The following DNA2 variants were observed in gnomAD, a reference collection of about 807,000 sequenced individuals.
DNA2 encodes DNA replication helicase/nuclease 2, also known as DNA replication ATP-dependent helicase/nuclease DNA2.
In DNA2, 101 loss-of-function variants were observed where a neutral mutation model predicts 119.1. The ratio of observed to expected loss-of-function variants is 0.85; its 90% CI spans 0.72 to 1.00. The LOEUF (loss-of-function observed/expected upper bound fraction) is 1.00, where lower values mean the gene tolerates loss of function less well. Among genes scored for constraint, DNA2 ranks in the 50% least tolerant of loss-of-function variants. The probability of loss-of-function intolerance (pLI) is 0.00; values close to 1 mark genes in which losing one functional copy is unlikely to be tolerated. For synonymous variants in DNA2, 366 were observed against 424.4 expected (o/e 0.86, Z 1.69); for missense variants, 1,121 against 1,255.5 (o/e 0.89, Z 1.62).
intron 14 of DNA2, 58 bp downstream of exon 14, chr10:68,430,378 C>A: frequency 8.1e-7 from 1 of 1,240,574 alleles, no homozygotes; most frequent in South Asian, 1.4e-5. Flanking sequence ...ACAGTTTCTC[C>A]CCTCATTCTG....
At chr10:68,453,788 C>A (rs985358266) in intron 5 of DNA2, among the ~76,000 whole-genome samples, 1 of 152,116 alleles carries the variant, frequency 6.6e-6, no homozygotes. Context: ...GTGTAGTAGG[C>A]GCTCTACCAT....
In DNA2 at chr10:68,436,239, TA is replaced by T. The variant is rs568554156; in HGVS notation, c.1646+771del. Among the ~76,000 whole-genome samples, 721 of 151,992 alleles carry T rather than the reference TA, an allele frequency of 4.7e-3. 12 individuals are homozygous for T. The highest frequency in any genetic ancestry group is 0.017 in the African/African-American group (688 of 41,470). ...CCATACAACAGAATATATTCAGCCA[TA>T]AAAAAAATGAGGGTCTCATATATGC... On this transcript the variant is annotated intron_variant, in intron 10 of 20. Transcript: ENST00000358410.
intron 14 of DNA2, chr10:68,424,647 A>T (rs1564878600): frequency 1.2e-6 from 2 of 1,604,348 alleles, no homozygotes; most frequent in Non-Finnish European, 1.7e-6. Context: ...CCGGAAGATC[A>T]TGTCATCCCC....
intron 17 of DNA2, among the ~76,000 whole-genome samples, chr10:68,421,477 G>C (rs571357935): frequency 1.3e-5 from 2 of 151,998 alleles, no homozygotes; most frequent in African/African-American, 2.4e-5. Flanking sequence ...ATTTTGGGCC[G>C]GGCACAGTGG....
chr10:68,464,602 G>A (rs1226286360), intron 4 of DNA2, among the ~76,000 whole-genome samples: 1 of 151,990 alleles, frequency 6.6e-6, no homozygotes, highest in Non-Finnish European at 1.5e-5. Flanking sequence ...GGGAGGCCGA[G>A]GCAGGCGGAT....
chr10:68,419,302 G>T, intron 18 of DNA2, 89 bp from the exon 19 acceptor site: 2 of 1,020,764 alleles, frequency 2.0e-6, no homozygotes, highest in Non-Finnish European at 2.7e-6. Context: ...TACATTATGT[G>T]CCCAACTGAT....
At chr10:68,448,942 TGTGTGTGTGTGTGTGTGTGTGTGTGC>T (rs1244148996) in intron 6 of DNA2, among the ~76,000 whole-genome samples, 29 of 131,866 alleles carry the variant, frequency 2.2e-4, no homozygotes, top group South Asian at 8.5e-4. Context: ...GGTGTGTGTG[TGTGTGTGTGTGTGTGTGTGTGTGTGC>T]GTGTGTGTGT....
chr10:68,419,268 T>C, intron 18 of DNA2, 55 bp from the exon 19 acceptor site: 2 of 1,319,678 alleles, frequency 1.5e-6, no homozygotes, highest in Non-Finnish European at 2.0e-6. Context: ...AGTTAAACTT[T>C]TCTGAATTTA....
chr10:68,426,481 T>TA (rs1327239871), intron 14 of DNA2, among the ~76,000 whole-genome samples: 2 of 151,254 alleles, frequency 1.3e-5, no homozygotes, highest in Non-Finnish European at 2.9e-5. Flanking sequence ...GAGGTTGCAG[T>TA]AAGTGGAGAT....
At chr10:68,444,253 G>A (rs936933991) in intron 8 of DNA2, among the ~76,000 whole-genome samples, 5 of 151,936 alleles carry the variant, frequency 3.3e-5, no homozygotes, top group Non-Finnish European at 7.4e-5. Context: ...AGCTGGGTGC[G>A]GTGGCGAGCG....
At chr10:68,470,890 C>T (rs182812634) in intron 1 of DNA2, among the ~76,000 whole-genome samples, 1 of 152,290 alleles carries the variant, frequency 6.6e-6, no homozygotes, top group Admixed American at 6.5e-5. Context: ...AGAAAGCAGG[C>T]TTAATACCTA....
At chr10:68,467,502 G>A (rs1378170438) in intron 3 of DNA2, among the ~76,000 whole-genome samples, 1 of 152,130 alleles carries the variant, frequency 6.6e-6, no homozygotes, top group Non-Finnish European at 1.5e-5. Context: ...GAGTACATGG[G>A]AGTTTATTAC....
chr10:68,438,308 G>A (rs983437991), intron 9 of DNA2, among the ~76,000 whole-genome samples: 1 of 151,992 alleles, frequency 6.6e-6, no homozygotes, highest in Non-Finnish European at 1.5e-5. Context: ...TCATCTGAGG[G>A]CAGGAGTTCG....
intron 5 of DNA2, among the ~76,000 whole-genome samples, chr10:68,454,356 CAA>C (rs562333641): frequency 5.2e-5 from 6 of 116,454 alleles, no homozygotes; most frequent in Non-Finnish European, 7.6e-5. Context: ...TAATTTTAAC[CAA>C]AAAAAAAAAA....
At chr10:68,430,379 C>T (rs761112327) in intron 14 of DNA2, 57 bp downstream of exon 14, 417 of 1,267,792 alleles carry the variant, frequency 3.3e-4, no homozygotes, top group Non-Finnish European at 4.4e-4. Flanking sequence ...CAGTTTCTCC[C>T]CTCATTCTGG....
intron 20 of DNA2, 195 bp downstream of exon 20, chr10:68,416,514 A>C: frequency 3.8e-6 from 2 of 520,456 alleles, no homozygotes; most frequent in Non-Finnish European, 6.9e-6. Flanking sequence ...TCTGGATTAA[A>C]AAAGGGTTAT....
At chr10:68,460,468 C>T (rs552156766) in intron 4 of DNA2, among the ~76,000 whole-genome samples, 10 of 150,984 alleles carry the variant, frequency 6.6e-5, no homozygotes, top group Non-Finnish European at 1.2e-4. Context: ...CCCAGGCTGG[C>T]GCGATCTCTA....
In DNA2 at chr10:68,469,997, T is replaced by C. The variant is rs763073513; in HGVS notation, c.241A>G (p.Ile81Val). The change falls in exon 2 of 21, where the codon ATC becomes GTC. Residue 81 changes from isoleucine to valine, a missense_variant. Ile to Val is a conservative substitution (Grantham distance 29). Transcript: ENST00000358410. ...AAAAATTACCAGTCATTCCTAAGGATGCATAGTTCTTTATTTTCTAGTGAC... is the reference window on the plus strand; with the variant it reads ...AAAAATTACCAGTCATTCCTAAGGACGCATAGTTCTTTATTTTCTAGTGAC... ...SQSLENKELC[I>V]LRNDWCSVPV... 2 of 1,603,784 alleles carry C rather than the reference T, an allele frequency of 1.2e-6. No individual in the cohort carries two copies. The highest frequency in any genetic ancestry group is 4.5e-5 in the East Asian group (2 of 44,834).
Position 68,465,018 on chromosome 10 carries a change from A to ATTT in DNA2, c.587+646_587+648dup, listed in dbSNP as rs200815175. Among the ~76,000 whole-genome samples the ATTT allele has an allele frequency of 7.1e-5, 9 of 126,786 alleles. 1 individual carries two copies. Among genetic ancestry groups the ATTT allele is most frequent in the African/African-American group, 2.7e-4 (9 of 32,732 alleles). 83.2% of individuals were successfully genotyped at this position (126,786 alleles called of 152,430 possible). A position where few individuals can be genotyped will look rare whatever the true frequency, so the allele number is the denominator to read the frequency against. ...CAAAAAAAAAATACTGTAAAGCTGCATTTTTTTTTTTTTTTTTTGAGATGG... is the reference window on the plus strand; with the variant it reads ...CAAAAAAAAAATACTGTAAAGCTGCATTTTTTTTTTTTTTTTTTTTTGAGATGG... On this transcript the variant is annotated intron_variant, in intron 4 of 20. Transcript: ENST00000358410.
Sources: gnomAD v4.1 joint callset for allele counts (sites outside exome capture counted in the v4.1 genomes callset) on GRCh38, gnomAD v4.1.1 for gene constraint, MANE v1.5 for transcripts, NCBI Gene and HGNC (gene_info 2026-07-23, HGNC 2026-07-21) for gene names.